Variants in ARID1A observed in about 807,000 individuals in gnomAD.
ARID1A encodes the protein AT-rich interactive domain-containing protein 1A.
Under a neutral mutation model 212.6 loss-of-function variants are expected in ARID1A, and 20 were observed. That is an observed-to-expected ratio of 0.09 (90% CI 0.07 to 0.14). ARID1A has a LOEUF of 0.14. Ranked by LOEUF, ARID1A falls within the 10% of genes least tolerant of loss-of-function variation. ARID1A has a pLI of 1.00. For synonymous variants in ARID1A, 1,376 were observed against 1,222.1 expected (o/e 1.13, Z -2.63); for missense variants, 2,587 against 3,059.0 (o/e 0.85, Z 3.64).
At chr1:26,769,027 A>G (rs1299278381) in intron 11 of ARID1A, 2 of 152,236 alleles carry the variant, frequency 1.3e-5, no homozygotes, top group African/African-American at 4.8e-5. Context: ...CTCCCCCACA[A>G]AGGAAAACAA....
chr1:26,706,146 A>C (rs554460325), intron 1 of ARID1A, among the ~76,000 whole-genome samples: 1 of 152,256 alleles, frequency 6.6e-6, no homozygotes, highest in South Asian at 2.1e-4. Context: ...GAAATGTGCC[A>C]TGTGCCTTTT....
intron 4 of ARID1A, among the ~76,000 whole-genome samples, chr1:26,752,437 T>C (rs531801365): frequency 8.5e-4 from 130 of 152,358 alleles, no homozygotes; most frequent in Non-Finnish European, 1.4e-3. Context: ...AAAGAACTTA[T>C]GACTGAAACT....
chr1:26,730,106 G>C (rs1003588482), intron 2 of ARID1A, among the ~76,000 whole-genome samples: 10 of 152,126 alleles, frequency 6.6e-5, no homozygotes, highest in African/African-American at 2.2e-4. Context: ...TGACCTGACT[G>C]GCCAGCTTAT....
chr1:26,733,275 G>A (rs1395500527), intron 4 of ARID1A, among the ~76,000 whole-genome samples: 1 of 150,490 alleles, frequency 6.6e-6, no homozygotes, highest in Non-Finnish European at 1.5e-5. Context: ...TTTTATTTTT[G>A]GTAGAGTACT....
rs905028956 is a variant in ARID1A, at chr1:26,696,745, C to T, written c.342C>T (p.Asn114=). The change falls in exon 1 of 20, where the codon AAC becomes AAT. Residue 114 remains asparagine, a synonymous_variant. Transcript: ENST00000324856. ...NGNAGPRPAL[N]NNLTEPPGGG... is the part of the protein sequence containing the mutation. ...ACGCGGGCCCTAGGCCCGCCCTGAACAATAACCTCACGGAGCCGCCCGGCG... is the reference window on the plus strand; with the variant it reads ...ACGCGGGCCCTAGGCCCGCCCTGAATAATAACCTCACGGAGCCGCCCGGCG... The T allele has an allele frequency of 1.5e-6, 2 of 1,370,834 alleles. No individual in the cohort carries two copies. Among genetic ancestry groups the T allele is most frequent in the South Asian group, 3.5e-5 (2 of 56,938 alleles). 84.9% of individuals were successfully genotyped at this position (1,370,834 alleles called of 1,614,324 possible).
At chr1:26,756,585 AACAC>A (rs1383596045) in intron 4 of ARID1A, among the ~76,000 whole-genome samples, 6 of 151,632 alleles carry the variant, frequency 4.0e-5, no homozygotes, top group African/African-American at 1.2e-4. Context: ...AAAACAAAAA[AACAC>A]ACACAAAAAA....
Position 26,780,902 on chromosome 1 carries a change from C to A in ARID1A, c.*146C>A. On this transcript the variant is annotated 3_prime_UTR_variant, in exon 20 of 20. Transcript: ENST00000324856. This position sits in a 1 kb window ranked among gnomAD's most constrained non-coding sequence, Gnocchi z 7.2. ...CTTCTCCCTTGGGAAAAAGTCTCTC[C>A]TGTTTCTCTCTCCTCCTTCCACCTC... 1 of 1,169,508 alleles carries A rather than the reference C, an allele frequency of 8.6e-7. No homozygotes were observed. Among genetic ancestry groups the A allele is most frequent in the Non-Finnish European group, 1.2e-6 (1 of 852,532 alleles). 72.4% of individuals were successfully genotyped at this position (1,169,508 alleles called of 1,614,324 possible). A position where few individuals can be genotyped will look rare whatever the true frequency, so the allele number is the denominator to read the frequency against.
chr1:26,729,855 A>G lies in ARID1A; in HGVS notation c.1342A>G (p.Thr448Ala). 1 of 1,613,878 alleles carries G rather than the reference A, an allele frequency of 6.2e-7. No homozygotes were observed. Among genetic ancestry groups the G allele is most frequent in the Non-Finnish European group, 8.5e-7 (1 of 1,179,926 alleles). ...GAGTGCCATGGGCGGCCTCTCTTAT[A>G]CACAGCAGGTAGATGGTGATTGTGA... ...AQSAMGGLSY[T>A]QQIPPYGQQG... Residue 448 changes from threonine to alanine, a missense_variant, in exon 2 of 20, where the codon ACA (threonine) becomes GCA (alanine). By Grantham distance (58) the Thr-to-Ala change is moderately conservative. This residue lies in a region of ARID1A where 674 missense variants were observed against 813.4 expected (regional missense o/e 0.83). Coordinates refer to ENST00000324856, the MANE Select transcript of ARID1A (RefSeq NM_006015.6).
At chr1:26,723,515 A>G (rs1452796002) in intron 1 of ARID1A, among the ~76,000 whole-genome samples, 2 of 152,134 alleles carry the variant, frequency 1.3e-5, no homozygotes, top group Non-Finnish European at 2.9e-5. Flanking sequence ...GTCCTTACCC[A>G]TCTGTTCTCT....
intron 4 of ARID1A, among the ~76,000 whole-genome samples, chr1:26,740,130 A>T (rs1488230407): frequency 3.3e-5 from 5 of 152,178 alleles, no homozygotes; most frequent in Non-Finnish European, 5.9e-5. Context: ...GGAGAGATGT[A>T]GGTAAGTTTC....
intron 8 of ARID1A, 49 bp from the exon 9 acceptor site, chr1:26,766,172 A>T: frequency 6.3e-7 from 1 of 1,578,504 alleles, no homozygotes; most frequent in Non-Finnish European, 8.6e-7. Flanking sequence ...CAAATCTAAA[A>T]GCTCAGAGTC....
Position 26,773,508 on chromosome 1 carries a change from C to T in ARID1A, c.3866+12C>T, listed in dbSNP as rs757251225. The T allele has an allele frequency of 7.4e-6, 12 of 1,612,624 alleles. No homozygotes were observed. The South Asian group carries it at 1.3e-4, about 18-fold the overall frequency. ...TATGACAGAGTGAGGTAAGCATGAC[C>T]CCAGCTCCTGTCCACTCCCCCAGCA... On this transcript the variant is annotated intron_variant, in intron 15 of 19. Transcript: ENST00000324856.
intron 1 of ARID1A, among the ~76,000 whole-genome samples, chr1:26,698,402 A>G (rs555028473): frequency 3.3e-5 from 5 of 152,324 alleles, no homozygotes; most frequent in African/African-American, 7.2e-5. Flanking sequence ...AACCCAAACT[A>G]TCGCTGCCAC....
At chr1:26,734,806 C>G (rs573157067) in intron 4 of ARID1A, among the ~76,000 whole-genome samples, 1 of 152,144 alleles carries the variant, frequency 6.6e-6, no homozygotes, top group Non-Finnish European at 1.5e-5. Flanking sequence ...GTTAAAGGAT[C>G]CCTAGGTTTG....
At chr1:26,713,957 A>G (rs2080477800) in intron 1 of ARID1A, among the ~76,000 whole-genome samples, 1 of 152,224 alleles carries the variant, frequency 6.6e-6, no homozygotes. Context: ...ATGTGGTCTC[A>G]TTATGGTATT....
intron 1 of ARID1A, among the ~76,000 whole-genome samples, chr1:26,718,713 A>G (rs2080528930): frequency 6.6e-6 from 1 of 151,622 alleles, no homozygotes. Flanking sequence ...TAATGACAAG[A>G]AAAAAAGTGT....
intron 8 of ARID1A, 30 bp downstream of exon 8, chr1:26,763,315 G>T (rs547128601): frequency 6.4e-7 from 1 of 1,552,892 alleles, no homozygotes; most frequent in South Asian, 1.2e-5. Context: ...GAGGGTGTCA[G>T]TGCAAGAAAA....
chr1:26,696,187 C>A lies in ARID1A; in HGVS notation c.-217C>A. 2 of 666,840 alleles carry A rather than the reference C, an allele frequency of 3.0e-6. No homozygotes were observed. The highest frequency in any genetic ancestry group is 2.0e-6 in the Non-Finnish European group (1 of 497,862). The allele number at this position is 666,840 out of a possible 1,614,324, so 41.3% of individuals were successfully genotyped here. On this transcript the variant is annotated 5_prime_UTR_variant, in exon 1 of 20. Coordinates refer to ENST00000324856, the MANE Select transcript of ARID1A (RefSeq NM_006015.6). Reference sequence around the variant, plus strand: ...GCTGAGCCGCCGGCGCCTCGGCCGCCGCCGCCGCCTCCTCCTCCTCCGCCG... The same window carrying A: ...GCTGAGCCGCCGGCGCCTCGGCCGCAGCCGCCGCCTCCTCCTCCTCCGCCG...
intron 11 of ARID1A, chr1:26,770,070 G>A (rs1320130697): frequency 6.6e-6 from 1 of 152,156 alleles, no homozygotes; most frequent in African/African-American, 2.4e-5. Context: ...AAAAATCAGT[G>A]GGGTGTGGTG....
Sources: gnomAD v4.1 joint callset for allele counts (sites outside exome capture counted in the v4.1 genomes callset) on GRCh38, gnomAD v4.1.1 for gene constraint, gnomAD v4.1.1 regional missense constraint, Gnocchi (gnomAD v3.1) non-coding constraint, MANE v1.5 for transcripts, NCBI Gene and HGNC (gene_info 2026-07-23, HGNC 2026-07-21) for gene names.